Variants in NPHP1 observed in about 807,000 individuals in gnomAD.
NPHP1 encodes the protein nephrocystin 1, also known as nephrocystin-1.
NPHP1 carries 70 observed loss-of-function variants against 90.4 expected under a neutral mutation model. The observed-to-expected ratio is 0.77, with a 90% CI of 0.64 to 0.95. NPHP1 has a LOEUF of 0.95. NPHP1 is among the 40% of genes least tolerant of loss of function. The pLI, the probability that NPHP1 is intolerant of heterozygous loss-of-function variation, is 0.00. For synonymous variants in NPHP1, 256 were observed against 271.7 expected (o/e 0.94, Z 0.57); for missense variants, 764 against 795.9 (o/e 0.96, Z 0.48).
In NPHP1 at chr2:110,123,723, T is replaced by G; in HGVS notation, c.*68A>C. 6.5e-7 allele frequency: 1 copy of G among 1,540,720 alleles called. No homozygotes were observed. On this transcript the variant is annotated 3_prime_UTR_variant, in exon 20 of 20. Transcript: ENST00000445609. ...GTGACAGTGATTTTTGGTTCCATCA[T>G]TTTATTCACGTAATCGTGGAGGATC...
intron 2 of NPHP1, chr2:110,185,322 T>C (rs1444276572): frequency 3.3e-5 from 12 of 362,116 alleles, no homozygotes; most frequent in South Asian, 9.5e-5. Context: ...GCAAGTGCCA[T>C]GTGGCCCAGG....
In NPHP1 at chr2:110,135,176, A is replaced by AT. The variant is rs564473588; in HGVS notation, c.1530-3386dup. Reference sequence around the variant, plus strand: ...ATTTGAGAAGGAAACCAACAAAACAATTTACAATAGCATCAAAAAATAGTC... The same window carrying AT: ...ATTTGAGAAGGAAACCAACAAAACAATTTTACAATAGCATCAAAAAATAGTC... On this transcript the variant is annotated intron_variant, in intron 16 of 19. Transcript: ENST00000445609. Among the ~76,000 whole-genome samples, 126 of 152,226 alleles carry AT rather than the reference A, an allele frequency of 8.3e-4. 1 individual carries two copies. The East Asian group carries it at 0.014, about 17-fold the overall frequency.
At chr2:110,126,208 C>A (rs1411878507) in intron 18 of NPHP1, 1 of 164,748 alleles carries the variant, frequency 6.1e-6, no homozygotes, top group Non-Finnish European at 1.3e-5. Flanking sequence ...ATTAGTCCCA[C>A]AGAAGTATGA....
intron 11 of NPHP1, among the ~76,000 whole-genome samples, chr2:110,152,684 A>G (rs925129250): frequency 2.6e-5 from 4 of 151,816 alleles, no homozygotes; most frequent in Non-Finnish European, 5.9e-5. Flanking sequence ...CATAGCCATG[A>G]CACCAGAAGC....
chr2:110,164,348 T>G, intron 8 of NPHP1: 1 of 612,026 alleles, frequency 1.6e-6, no homozygotes, highest in Non-Finnish European at 2.9e-6. Context: ...ATTTCTTACT[T>G]TTTATTAAAG....
intron 4 of NPHP1, among the ~76,000 whole-genome samples, chr2:110,174,995 T>C (rs568014153): frequency 6.6e-6 from 1 of 152,178 alleles, no homozygotes; most frequent in South Asian, 2.1e-4. Context: ...TCAATGTTAA[T>C]GAATCAATAA....
intron 14 of NPHP1, among the ~76,000 whole-genome samples, chr2:110,145,226 A>G (rs1160973970): frequency 1.3e-5 from 2 of 152,204 alleles, no homozygotes; most frequent in Non-Finnish European, 2.9e-5. Context: ...GAGCCCTTTA[A>G]TTGTAATGCA....
chr2:110,192,177 G>A (rs1023231846), intron 2 of NPHP1, among the ~76,000 whole-genome samples: 2 of 152,194 alleles, frequency 1.3e-5, no homozygotes, highest in Non-Finnish European at 2.9e-5. Context: ...CATGAGTTGA[G>A]AGAAGAAGGC....
Position 110,129,192 on chromosome 2 carries a change from A to G in NPHP1, c.1710T>C (p.Ala570=). The change falls in exon 18 of 20, where the codon GCT becomes GCC. Residue 570 remains alanine, a synonymous_variant. Transcript: ENST00000445609. ...MLLEQPDVMD[A]LRSSWAGKES... is the part of the protein sequence containing the mutation. ...TGCAATGCATGCTACCCACCCTGAG[A>G]GCATCCATCACATCAGGCTGCTCCA... 1 of 1,612,370 alleles carries G rather than the reference A, an allele frequency of 6.2e-7. No individual in the cohort carries two copies. Among genetic ancestry groups the G allele is most frequent in the Non-Finnish European group, 8.5e-7 (1 of 1,178,636 alleles).
chr2:110,143,828 CAT>C (rs1438024137), intron 15 of NPHP1, 187 bp from the exon 16 acceptor site: 3 of 585,374 alleles, frequency 5.1e-6, no homozygotes, highest in South Asian at 2.0e-5. Context: ...TGCTAAATCA[CAT>C]GAGTTACAGC....
intron 13 of NPHP1, among the ~76,000 whole-genome samples, 189 bp from the exon 14 acceptor site, chr2:110,147,024 C>A (rs982090431): frequency 6.6e-6 from 1 of 152,090 alleles, no homozygotes; most frequent in Non-Finnish European, 1.5e-5. Context: ...GGTAGTATAT[C>A]AAGTGATAAT....
At chr2:110,138,417 C>T (rs1014430350) in intron 16 of NPHP1, among the ~76,000 whole-genome samples, 1 of 152,126 alleles carries the variant, frequency 6.6e-6, no homozygotes, top group African/African-American at 2.4e-5. Context: ...TCTCTTAGCA[C>T]AGTTATCTTG....
chr2:110,200,792 C>T (rs1393284559), intron 2 of NPHP1, among the ~76,000 whole-genome samples: 1 of 152,064 alleles, frequency 6.6e-6, no homozygotes, highest in Admixed American at 6.5e-5. Flanking sequence ...TTTCAAAATT[C>T]ATTTGTTTTG....
chr2:110,146,072 G>A (rs1681023357), intron 14 of NPHP1, among the ~76,000 whole-genome samples: 1 of 152,182 alleles, frequency 6.6e-6, no homozygotes, highest in South Asian at 2.1e-4. Flanking sequence ...CATGGGTAGA[G>A]CTGGGACTGG....
At chr2:110,186,655 C>T (rs1684301955) in intron 2 of NPHP1, among the ~76,000 whole-genome samples, 1 of 152,080 alleles carries the variant, frequency 6.6e-6, no homozygotes, top group South Asian at 2.1e-4. Flanking sequence ...ACCAAAGGCC[C>T]CTGCCAGGTA....
intron 11 of NPHP1, among the ~76,000 whole-genome samples, chr2:110,153,187 C>A (rs1429603961): frequency 6.6e-6 from 1 of 152,094 alleles, no homozygotes; most frequent in East Asian, 1.9e-4. Flanking sequence ...ACAAAAATAA[C>A]TGTCAACTCA....
intron 2 of NPHP1, chr2:110,184,668 T>A (rs1684156033): frequency 1.3e-6 from 1 of 757,446 alleles, no homozygotes; most frequent in Non-Finnish European, 2.4e-6. Context: ...GGGCTATGAT[T>A]TCCACTCATC....
At chr2:110,185,103 C>T (rs1684193446) in intron 2 of NPHP1, 13 of 587,884 alleles carry the variant, frequency 2.2e-5, no homozygotes, top group Middle Eastern at 3.8e-4. Flanking sequence ...GCCTCCATGA[C>T]ACCTTTAAGA....
rs59532714 is a variant in NPHP1 at position 110,156,780 on chromosome 2, G to GTTT, written c.1083+3344_1083+3346dup. On this transcript the variant is annotated intron_variant, in intron 11 of 19. Coordinates refer to ENST00000445609, the MANE Select transcript of NPHP1 (RefSeq NM_001128178.3). The stretch of plus-strand genomic sequence containing the variant: ...TGTGTGTGTATGTGTTTTGGTTTCT[G>GTTT]TTTTTTTTTTTTTTTGAGACAGAGT... Among the ~76,000 whole-genome samples, 977 of 139,284 alleles carry GTTT rather than the reference G, an allele frequency of 7.0e-3. 8 individuals carry two copies. The highest frequency in any genetic ancestry group is 0.016 in the African/African-American group (592 of 37,906). 91.4% of individuals were successfully genotyped at this position (139,284 alleles called of 152,430 possible).
Sources: gnomAD v4.1 joint callset for allele counts (sites outside exome capture counted in the v4.1 genomes callset) on GRCh38, gnomAD v4.1.1 for gene constraint, MANE v1.5 for transcripts, NCBI Gene and HGNC (gene_info 2026-07-23, HGNC 2026-07-21) for gene names.